Variants in COL25A1 observed in about 807,000 individuals in gnomAD.
The protein encoded by COL25A1 is collagen type XXV alpha 1 chain, also known as collagen alpha-1(XXV) chain.
In COL25A1, 103 loss-of-function variants were observed where a neutral mutation model predicts 128.4. The observed-to-expected ratio is 0.80, with a 90% CI of 0.68 to 0.94. The LOEUF is 0.94. COL25A1 is among the 40% of genes least tolerant of loss of function. The pLI is 0.00. For missense variants in COL25A1, 745 were observed against 840.0 expected (o/e 0.89, Z 1.40); for synonymous variants, 279 against 277.2 (o/e 1.01, Z -0.06).
At chr4:109,062,805 A>G (rs933506568) in intron 3 of COL25A1, among the ~76,000 whole-genome samples, 13 of 152,204 alleles carry the variant, frequency 8.5e-5, no homozygotes, top group African/African-American at 3.1e-4. Flanking sequence ...TCTACTGGTA[A>G]GCTTTGAAGT....
At chr4:108,914,261 G>A (rs1475572045) in intron 13 of COL25A1, among the ~76,000 whole-genome samples, 1 of 152,148 alleles carries the variant, frequency 6.6e-6, no homozygotes. Flanking sequence ...GAAACTTAGA[G>A]ATAAATTGGT....
chr4:109,201,468 T>C (rs1260524621), intron 3 of COL25A1, among the ~76,000 whole-genome samples: 1 of 151,964 alleles, frequency 6.6e-6, no homozygotes, highest in East Asian at 1.9e-4. Flanking sequence ...CACAGCAAAC[T>C]AAGAATAGAG....
At chr4:109,268,647 T>A (rs528767014) in intron 3 of COL25A1, among the ~76,000 whole-genome samples, 114 of 152,350 alleles carry the variant, frequency 7.5e-4, no homozygotes, top group Admixed American at 1.3e-3. Context: ...AAAGATTACA[T>A]GTCAATCACG....
At chr4:109,061,465 A>G (rs189837047) in intron 3 of COL25A1, among the ~76,000 whole-genome samples, 1 of 152,336 alleles carries the variant, frequency 6.6e-6, no homozygotes, top group Admixed American at 6.5e-5. Flanking sequence ...TTTAAGGAGG[A>G]GCTGCTATTT....
chr4:109,168,453 T>C (rs1331852225), intron 3 of COL25A1, among the ~76,000 whole-genome samples: 4 of 152,196 alleles, frequency 2.6e-5, no homozygotes, highest in Admixed American at 2.0e-4. Flanking sequence ...GATTCTTCCT[T>C]TGACTTACAA....
At chr4:109,123,022 A>T (rs1184932122) in intron 3 of COL25A1, among the ~76,000 whole-genome samples, 1 of 152,076 alleles carries the variant, frequency 6.6e-6, no homozygotes, top group Admixed American at 6.6e-5. Context: ...AAAAGAAGCT[A>T]AAATGTAACT....
intron 23 of COL25A1, among the ~76,000 whole-genome samples, chr4:108,860,622 T>C (rs760668857): frequency 6.6e-6 from 1 of 152,170 alleles, no homozygotes; most frequent in Non-Finnish European, 1.5e-5. Flanking sequence ...GCTTTCTTTA[T>C]AATTGAGTTA....
At chr4:109,101,825 C>G (rs991995030) in intron 3 of COL25A1, among the ~76,000 whole-genome samples, 8 of 152,158 alleles carry the variant, frequency 5.3e-5, no homozygotes, top group Admixed American at 5.2e-4. Context: ...CTTGGGCCCC[C>G]CTTTCACACA....
intron 3 of COL25A1, among the ~76,000 whole-genome samples, chr4:109,205,609 A>G (rs898965181): frequency 1.3e-5 from 2 of 152,192 alleles, no homozygotes; most frequent in African/African-American, 4.8e-5. Flanking sequence ...GATACTGTCA[A>G]GCTTCCAGGC....
intron 3 of COL25A1, among the ~76,000 whole-genome samples, chr4:109,083,850 A>C (rs1172727374): frequency 6.6e-6 from 1 of 152,214 alleles, no homozygotes. Flanking sequence ...ATAAAGTAAG[A>C]GAACAAAAAA....
intron 3 of COL25A1, among the ~76,000 whole-genome samples, chr4:109,069,866 T>C (rs1762764800): frequency 6.6e-6 from 1 of 152,188 alleles, no homozygotes; most frequent in African/African-American, 2.4e-5. Context: ...AATAAGCATA[T>C]GCTACTTACC....
At chr4:108,993,628 G>A (rs1484949907) in intron 6 of COL25A1, among the ~76,000 whole-genome samples, 1 of 152,138 alleles carries the variant, frequency 6.6e-6, no homozygotes, top group Admixed American at 6.5e-5. Context: ...GGGAGGCTGA[G>A]GAGGGTGGAT....
At chr4:109,001,372 C>CAGGCATGTGAGATCCTGTCAGGT (rs1755347855) in intron 6 of COL25A1, among the ~76,000 whole-genome samples, 1 of 24,146 alleles carries the variant, frequency 4.1e-5, no homozygotes, top group Non-Finnish European at 1.3e-4. Flanking sequence ...TTAAAAGAAA[C>CAGGCATGTGAGATCCTGTCAGGT]AGGCATCTGA....
At chr4:109,046,854 G>A (rs1352042502) in intron 5 of COL25A1, among the ~76,000 whole-genome samples, 1 of 152,160 alleles carries the variant, frequency 6.6e-6, no homozygotes, top group East Asian at 1.9e-4. Flanking sequence ...TCCAGGATGA[G>A]AAAATATCTC....
intron 6 of COL25A1, among the ~76,000 whole-genome samples, chr4:109,006,102 T>C (rs1174013488): frequency 1.3e-5 from 2 of 152,102 alleles, no homozygotes; most frequent in Non-Finnish European, 1.5e-5. Context: ...ATATACTGTA[T>C]GTGAAAAGGA....
chr4:108,828,859 A>C (rs1466668327), intron 32 of COL25A1, among the ~76,000 whole-genome samples: 1 of 152,164 alleles, frequency 6.6e-6, no homozygotes. Context: ...CTGCAGAGCC[A>C]CCTGATATGC....
At chr4:109,094,809 T>C (rs2126013515) in intron 3 of COL25A1, among the ~76,000 whole-genome samples, 1 of 152,330 alleles carries the variant, frequency 6.6e-6, no homozygotes, top group South Asian at 2.1e-4. Flanking sequence ...AATAAGTCTA[T>C]CTTTAAGTCA....
chr4:109,202,204 G>A (rs1439764003), intron 3 of COL25A1, among the ~76,000 whole-genome samples: 4 of 152,036 alleles, frequency 2.6e-5, no homozygotes, highest in Non-Finnish European at 5.9e-5. Flanking sequence ...GATGCTACCC[G>A]ACTTCAAAAC....
At chr4:109,103,127 G>C (rs1766073101) in intron 3 of COL25A1, among the ~76,000 whole-genome samples, 2 of 152,066 alleles carry the variant, frequency 1.3e-5, no homozygotes, top group African/African-American at 2.4e-5. Flanking sequence ...ACACATTCTT[G>C]TCCTTAGCTG....
Sources: allele counts gnomAD v4.1 joint callset (sites outside exome capture counted in the v4.1 genomes callset), GRCh38; gene constraint gnomAD v4.1.1; transcripts MANE v1.5; gene names NCBI Gene and HGNC (gene_info 2026-07-23, HGNC 2026-07-21).